TH: variants seen among roughly 807,000 people sequenced by gnomAD.
The protein encoded by TH is tyrosine hydroxylase, also known as tyrosine 3-monooxygenase.
A neutral mutation model predicts 57.4 loss-of-function variants in TH; 49 were observed. The observed-to-expected ratio is 0.85, with a 90% CI of 0.68 to 1.08. TH has a LOEUF of 1.08. Among genes scored for constraint, TH ranks in the 50% least tolerant of loss-of-function variants. The pLI, the probability that TH is intolerant of heterozygous loss-of-function variation, is 0.00. For synonymous variants in TH, 330 were observed against 304.5 expected (o/e 1.08, Z -0.87); for missense variants, 720 against 696.7 (o/e 1.03, Z -0.38).
chr11:2,168,197 G>A lies in TH; in HGVS notation c.488-18C>T, dbSNP rs1483086927. On this transcript the variant is annotated intron_variant, in intron 3 of 12. Transcript: ENST00000352909. ...CCAGGGGACTTTATGGGTGATGGAG[G>A]AAGAGATCTTGGTGAGCTCGGAGCC... 6.2e-7 allele frequency: 1 copy of A among 1,611,728 alleles called. No individual in the cohort carries two copies.
At position 2,166,780 on chromosome 11, in the gene TH, C is replaced by T. The variant is rs1009338117; in HGVS notation, c.842-12G>A. The stretch of plus-strand genomic sequence containing the variant: ...GAAGCCCGTGCGCTCTGCAAGGGGC[C>T]ACGCGGGTCACTGCCGAGCCGGGAC... On this transcript the variant is annotated splice_polypyrimidine_tract_variant and intron_variant, in intron 7 of 12. Transcript: ENST00000352909. 6.5e-7 allele frequency: 1 copy of T among 1,547,984 alleles called. No individual in the cohort carries two copies. Among genetic ancestry groups the T allele is most frequent in the Non-Finnish European group, 8.7e-7 (1 of 1,145,760 alleles).
At chr11:2,169,324 T>C (rs989418242) in intron 2 of TH, among the ~76,000 whole-genome samples, 1 of 152,172 alleles carries the variant, frequency 6.6e-6, no homozygotes, top group African/African-American at 2.4e-5. Context: ...CACACTGCCC[T>C]GCCCCTGCCT....
intron 7 of TH, 36 bp downstream of exon 7, chr11:2,166,851 G>GC (rs538554638): frequency 9.1e-5 from 144 of 1,589,144 alleles, no homozygotes; most frequent in Non-Finnish European, 1.1e-4. Context: ...ACCATCCCCG[G>GC]CCCCCCGGCT....
intron 9 of TH, 134 bp downstream of exon 9, chr11:2,166,346 C>G: frequency 1.6e-6 from 2 of 1,241,076 alleles, no homozygotes; most frequent in Non-Finnish European, 2.2e-6. Flanking sequence ...GCGCGACCCT[C>G]GGGGCGCCGA....
intron 2 of TH, 160 bp from the exon 3 acceptor site, chr11:2,168,825 G>T: frequency 1.1e-6 from 1 of 937,234 alleles, no homozygotes; most frequent in Admixed American, 2.1e-5. Flanking sequence ...CCAGGCTCAG[G>T]TCAGCTGTCG....
Position 2,165,346 on chromosome 11 carries a change from G to A in TH, c.1220C>T (p.Pro407Leu). 6.2e-7 allele frequency: 1 copy of A among 1,611,582 alleles called. No individual in the cohort carries two copies. The highest frequency in any genetic ancestry group is 8.5e-7 in the Non-Finnish European group (1 of 1,179,988). Residue 407 changes from proline to leucine, a missense_variant, in exon 12 of 13, where the codon CCT (proline) becomes CTT (leucine). Pro to Leu is a moderately conservative substitution (Grantham distance 98). Coordinates refer to ENST00000352909, the MANE Select transcript of TH (RefSeq NM_000360.4). Reference protein sequence around the residue: ...GELLHCLSEEPEIRAFDPEAA... With the variant: ...GELLHCLSEELEIRAFDPEAA... ...CTCAGGGTCGAAGGCCCGAATCTCA[G>A]GCTCCTCAGACAGGCAGTGCTGGCA...
In TH at chr11:2,171,684, C is replaced by A. The variant is rs77140743; in HGVS notation, c.90+13G>T. The A allele has an allele frequency of 1.9e-6, 3 of 1,610,934 alleles. No homozygotes were observed. The highest frequency in any genetic ancestry group is 2.5e-6 in the Non-Finnish European group (3 of 1,179,650). On this transcript the variant is annotated intron_variant, in intron 1 of 12. Coordinates refer to ENST00000352909, the MANE Select transcript of TH (RefSeq NM_000360.4). The surrounding 1 kb of genome is among the most constrained non-coding windows in gnomAD (Gnocchi z 8.6). ...GTCCACTGCGGCCGCCGGGCACCTA[C>A]CTGCCCTCTTACCATGATGGCCTCT...
chr11:2,164,416 C>T, intron 12 of TH, 24 bp from the exon 13 acceptor site: 1 of 1,540,416 alleles, frequency 6.5e-7, no homozygotes, highest in Non-Finnish European at 8.7e-7. Context: ...CGGCAGAGCC[C>T]TCGTCAACTG....
intron 3 of TH, 108 bp downstream of exon 3, chr11:2,168,383 G>A: frequency 6.7e-7 from 1 of 1,498,090 alleles, no homozygotes. Context: ...CGCAGAGAGG[G>A]AACCAGGCCA....
Position 2,170,404 on chromosome 11 carries a change from A to G in TH, c.91-533T>C, listed in dbSNP as rs1295779315. 6.6e-6 allele frequency among the ~76,000 whole-genome samples: 1 copy of G among 151,956 alleles called. No homozygotes were observed. The highest frequency in any genetic ancestry group is 1.5e-5 in the Non-Finnish European group (1 of 67,950). On this transcript the variant is annotated intron_variant, in intron 1 of 12. Transcript: ENST00000352909. The surrounding 1 kb of genome is among the most constrained non-coding windows in gnomAD (Gnocchi z 6.0). ...GCCCTGCCCCTCTGTGCCACCCCGC[A>G]GGCGCCCGCTCCTGGCTGCCTTGTC...
At chr11:2,166,852 C>A (rs371216251) in intron 7 of TH, 35 bp downstream of exon 7, 2 of 1,587,920 alleles carry the variant, frequency 1.3e-6, no homozygotes, top group African/African-American at 1.3e-5. Flanking sequence ...CCATCCCCGG[C>A]CCCCCGGCTC....
chr11:2,168,305 G>T, intron 3 of TH, 126 bp from the exon 4 acceptor site: 1 of 1,351,550 alleles, frequency 7.4e-7, no homozygotes, highest in Non-Finnish European at 1.0e-6. Context: ...TGAGAGCTGC[G>T]GGGGGATCCT....
At chr11:2,165,475 C>G in intron 11 of TH, 110 bp from the exon 12 acceptor site, 1 of 1,533,876 alleles carries the variant, frequency 6.5e-7, no homozygotes, top group Non-Finnish European at 8.9e-7. Flanking sequence ...TCACCCCCAT[C>G]TCCCCCGCCG....
intron 11 of TH, 137 bp downstream of exon 11, chr11:2,165,531 A>T (rs1846064797): frequency 7.4e-7 from 1 of 1,353,230 alleles, no homozygotes; most frequent in African/African-American, 1.4e-5. Flanking sequence ...CTGGGCAGAG[A>T]CAAGCCTTCT....
Position 2,169,879 on chromosome 11 carries a change from G to A in TH, c.91-8C>T, listed in dbSNP as rs1490379030. 16 of 1,607,274 alleles carry A rather than the reference G, an allele frequency of 1.0e-5. No individual in the cohort carries two copies. Among genetic ancestry groups the A allele is most frequent in the Non-Finnish European group, 1.3e-5 (15 of 1,178,480 alleles). On this transcript the variant is annotated splice_region_variant and splice_polypyrimidine_tract_variant and intron_variant, in intron 1 of 12. Coordinates refer to ENST00000352909, the MANE Select transcript of TH (RefSeq NM_000360.4). ...CCCAATGAACCGCGGGGACTGTGGG[G>A]ACAAGGGGCACCCATGCCTCCTCCA...
chr11:2,165,644 G>A, intron 11 of TH, 24 bp downstream of exon 11: 3 of 1,610,114 alleles, frequency 1.9e-6, no homozygotes, highest in Non-Finnish European at 2.5e-6. Flanking sequence ...TCTGCTGGGG[G>A]CTGCAGCAAG....
intron 9 of TH, 177 bp downstream of exon 9, chr11:2,166,303 G>A (rs1052360008): frequency 3.1e-6 from 3 of 978,314 alleles, no homozygotes; most frequent in South Asian, 3.3e-5. Context: ...AGCACAGGCC[G>A]TGGGAGGCTC....
chr11:2,167,417 G>A lies in TH; in HGVS notation c.695+18C>T. ...CCCCCGGGCTCCTCCCCAGCCCCTAGCTGCACGGAGGTCTCACCAGGTGGC... is the reference window on the plus strand; with the variant it reads ...CCCCCGGGCTCCTCCCCAGCCCCTAACTGCACGGAGGTCTCACCAGGTGGC... On this transcript the variant is annotated intron_variant, in intron 6 of 12. Coordinates refer to ENST00000352909, the MANE Select transcript of TH (RefSeq NM_000360.4). 6.4e-7 allele frequency: 1 copy of A among 1,557,418 alleles called. No homozygotes were observed. Among genetic ancestry groups the A allele is most frequent in the Non-Finnish European group, 8.7e-7 (1 of 1,150,618 alleles).
rs1408483848 is a variant in TH, at chr11:2,166,897, G to C, written c.831C>G (p.Arg277=). The C allele has an allele frequency of 6.2e-7, 1 of 1,605,516 alleles. No homozygotes were observed. Reference sequence around the variant, plus strand: ...CCCGTCTGGGCACACCCTTCAGGAAGCGGGAGACGTCCTCCAGCTGGGGGA... The same window carrying C: ...CCCGTCTGGGCACACCCTTCAGGAACCGGGAGACGTCCTCCAGCTGGGGGA... The part of the protein sequence containing the change: ...DNIPQLEDVS[R]FLKERTGFQL... The change falls in exon 7 of 13, where the codon CGC becomes CGG. Residue 277 remains arginine (R), a synonymous_variant. Coordinates refer to ENST00000352909, the MANE Select transcript of TH (RefSeq NM_000360.4).
Sources: allele counts gnomAD v4.1 joint callset (sites outside exome capture counted in the v4.1 genomes callset), GRCh38; gene constraint gnomAD v4.1.1; non-coding constraint Gnocchi (gnomAD v3.1); transcripts MANE v1.5; gene names NCBI Gene and HGNC (gene_info 2026-07-23, HGNC 2026-07-21).